Variants in SKIC3 observed in about 807,000 individuals in gnomAD.
The protein encoded by SKIC3 is superkiller complex protein 3.
chr5:95,547,297 G>T, the SKIC3 span: 1 of 694,964 alleles, frequency 1.4e-6, no homozygotes, highest in East Asian at 2.7e-5. Context: ...AATATACACA[G>T]TTTATTCCTT....
the SKIC3 span, chr5:95,543,439 G>T: frequency 8.3e-7 from 1 of 1,209,042 alleles, no homozygotes; most frequent in Non-Finnish European, 1.2e-6. Context: ...ACTTAACAGG[G>T]CAAACTTCAG....
At chr5:95,476,327 C>A in the SKIC3 span, among the ~76,000 whole-genome samples, 1 of 152,154 alleles carries the variant, frequency 6.6e-6, no homozygotes, top group East Asian at 1.9e-4. Flanking sequence ...CTACAGCAAT[C>A]TATCTTGATC....
the SKIC3 span, among the ~76,000 whole-genome samples, chr5:95,489,440 A>G: frequency 6.6e-6 from 1 of 151,992 alleles, no homozygotes; most frequent in South Asian, 2.1e-4. Flanking sequence ...CACTATCCAT[A>G]AAGCAGTATA....
At chr5:95,496,989 T>C in the SKIC3 span, among the ~76,000 whole-genome samples, 10 of 152,236 alleles carry the variant, frequency 6.6e-5, no homozygotes, top group African/African-American at 1.7e-4. Flanking sequence ...ATATTTATAA[T>C]TACATTTTTG....
At chr5:95,472,643 T>A in the SKIC3 span, among the ~76,000 whole-genome samples, 298 of 152,166 alleles carry the variant, frequency 2.0e-3, 1 homozygote, top group African/African-American at 7.1e-3. Context: ...GCCTTTTTTT[T>A]TTTTCTAAAG....
At chr5:95,554,669 C>T in the SKIC3 span, among the ~76,000 whole-genome samples, 1 of 152,134 alleles carries the variant, frequency 6.6e-6, no homozygotes, top group Non-Finnish European at 1.5e-5. Context: ...TAGAGATTTC[C>T]CTGGGAAGGT....
At chr5:95,512,258 T>A in the SKIC3 span, among the ~76,000 whole-genome samples, 1 of 152,142 alleles carries the variant, frequency 6.6e-6, no homozygotes, top group African/African-American at 2.4e-5. Context: ...AACAAGGAAA[T>A]TACTTTTTTC....
the SKIC3 span, among the ~76,000 whole-genome samples, chr5:95,488,603 G>A: frequency 6.6e-6 from 1 of 152,106 alleles, no homozygotes; most frequent in African/African-American, 2.4e-5. Flanking sequence ...ATAAATGAAG[G>A]GAAAATAAAG....
the SKIC3 span, among the ~76,000 whole-genome samples, chr5:95,492,403 G>A: frequency 3.8e-3 from 578 of 151,570 alleles, 4 homozygotes; most frequent in South Asian, 7.1e-3. Flanking sequence ...TTGGGAGGCC[G>A]AGGCGGGCGG....
At chr5:95,468,035 A>G in the SKIC3 span, 5 of 1,607,750 alleles carry the variant, frequency 3.1e-6, no homozygotes, top group African/African-American at 1.3e-5. Context: ...GCAAATTACC[A>G]TAAGATATTT....
At chr5:95,529,780 C>T in the SKIC3 span, among the ~76,000 whole-genome samples, 1 of 151,648 alleles carries the variant, frequency 6.6e-6, no homozygotes, top group Non-Finnish European at 1.5e-5. Context: ...CCCTCCCTCC[C>T]TCCCTCCCTC....
the SKIC3 span, chr5:95,536,387 T>C: frequency 9.2e-6 from 2 of 217,416 alleles, no homozygotes; most frequent in South Asian, 7.2e-5. Flanking sequence ...CTGTGTAATA[T>C]AGCCTGACCT....
chr5:95,553,941 T>A, the SKIC3 span, among the ~76,000 whole-genome samples: 1 of 152,238 alleles, frequency 6.6e-6, no homozygotes, highest in Middle Eastern at 3.2e-3. Flanking sequence ...ATAAACTAAC[T>A]GCAGACAGAG....
the SKIC3 span, among the ~76,000 whole-genome samples, chr5:95,531,010 C>G: frequency 4.0e-5 from 6 of 151,296 alleles, no homozygotes; most frequent in Admixed American, 2.0e-4. Context: ...TAGGAGAATT[C>G]TTAAAAAGAC....
the SKIC3 span, among the ~76,000 whole-genome samples, chr5:95,492,253 C>A: frequency 6.6e-6 from 1 of 152,094 alleles, no homozygotes; most frequent in Non-Finnish European, 1.5e-5. Context: ...TAAAGAAAGG[C>A]ACATGACAGC....
At chr5:95,481,298 G>A in the SKIC3 span, among the ~76,000 whole-genome samples, 15 of 151,980 alleles carry the variant, frequency 9.9e-5, no homozygotes, top group African/African-American at 1.7e-4. Context: ...TCATGATAGC[G>A]AATAAGTCTC....
At chr5:95,466,686 G>A in the SKIC3 span, among the ~76,000 whole-genome samples, 1 of 152,140 alleles carries the variant, frequency 6.6e-6, no homozygotes, top group Non-Finnish European at 1.5e-5. Flanking sequence ...CTCTCCTTTG[G>A]TTTACCAGCT....
chr5:95,484,850 A>C, the SKIC3 span: 1 of 1,613,808 alleles, frequency 6.2e-7, no homozygotes, highest in East Asian at 2.2e-5. Flanking sequence ...CTTTAACTGT[A>C]AACAAAAAAT....
At chr5:95,487,108 A>G in the SKIC3 span, among the ~76,000 whole-genome samples, 3 of 152,044 alleles carry the variant, frequency 2.0e-5, no homozygotes, top group African/African-American at 7.3e-5. Flanking sequence ...CAAGCAGAAA[A>G]ACACGAAAAA....
Sources: allele counts gnomAD v4.1 joint callset (sites outside exome capture counted in the v4.1 genomes callset), GRCh38; gene constraint gnomAD v4.1.1; transcripts MANE v1.5; gene names NCBI Gene and HGNC (gene_info 2026-07-23, HGNC 2026-07-21).